Variants in TSNARE1 observed in about 807,000 individuals in gnomAD.
The protein encoded by TSNARE1 is t-SNARE domain-containing protein 1.
TSNARE1 carries 49 observed loss-of-function variants against 62.0 expected under a neutral mutation model. That is an observed-to-expected ratio of 0.79 (90% confidence interval 0.63 to 1.00). TSNARE1 has a LOEUF of 1.00. Ranked by LOEUF, TSNARE1 falls within the 50% of genes least tolerant of loss-of-function variation. The probability of loss-of-function intolerance (pLI) is 0.00; values close to 1 mark genes in which losing one functional copy is unlikely to be tolerated. For synonymous variants in TSNARE1, 328 were observed against 294.4 expected, an observed-to-expected ratio of 1.11 and a Z score of -1.17; for missense variants, 755 against 700.1, an observed-to-expected ratio of 1.08 and a Z score of -0.88.
At chr8:142,381,701 G>C (rs2131226275) in intron 1 of TSNARE1, among the ~76,000 whole-genome samples, 1 of 152,312 alleles carries the variant, frequency 6.6e-6, no homozygotes, top group Middle Eastern at 3.4e-3. Context: ...GAGTCTTCCA[G>C]TTTCCTTCAG....
intron 12 of TSNARE1, among the ~76,000 whole-genome samples, chr8:142,242,007 A>C (rs1817686343): frequency 6.6e-6 from 1 of 151,564 alleles, no homozygotes; most frequent in Non-Finnish European, 1.5e-5. Context: ...TGCCGTATAC[A>C]ACAATCAACT....
At chr8:142,226,214 T>G (rs1816761878) in intron 13 of TSNARE1, among the ~76,000 whole-genome samples, 1 of 152,200 alleles carries the variant, frequency 6.6e-6, no homozygotes, top group African/African-American at 2.4e-5. Flanking sequence ...CCACAGTAAC[T>G]ATTACTATTA....
chr8:142,339,485 G>A (rs949379454), intron 4 of TSNARE1, among the ~76,000 whole-genome samples: 1 of 152,082 alleles, frequency 6.6e-6, no homozygotes, highest in Non-Finnish European at 1.5e-5. Flanking sequence ...TGGCCAGGAG[G>A]GGCAGCTCAG....
At chr8:142,223,251 C>T (rs200960624) in intron 13 of TSNARE1, among the ~76,000 whole-genome samples, 2 of 111,642 alleles carry the variant, frequency 1.8e-5, no homozygotes, top group South Asian at 2.9e-4. Context: ...CACTCACTCA[C>T]TCATTCACTC....
At chr8:142,316,450 A>C (rs1828538260) in intron 7 of TSNARE1, among the ~76,000 whole-genome samples, 1 of 151,782 alleles carries the variant, frequency 6.6e-6, no homozygotes, top group Admixed American at 6.7e-5. Context: ...CCTCTGTTAC[A>C]GTTTTTTAGT....
chr8:142,320,752 A>G (rs1829364336), intron 6 of TSNARE1, among the ~76,000 whole-genome samples: 1 of 152,248 alleles, frequency 6.6e-6, no homozygotes, highest in Non-Finnish European at 1.5e-5. Context: ...CCCCAGCACC[A>G]ACACCTGCCC....
chr8:142,270,428 C>G (rs1819420836), intron 12 of TSNARE1: 1 of 984,734 alleles, frequency 1.0e-6, no homozygotes, highest in Admixed American at 6.2e-5. Context: ...CAAGAAAAAT[C>G]TACAGGTACA....
chr8:142,249,616 C>T (rs1340129374), intron 12 of TSNARE1, among the ~76,000 whole-genome samples: 1 of 152,242 alleles, frequency 6.6e-6, no homozygotes, highest in African/African-American at 2.4e-5. Flanking sequence ...GCCTGTGCTG[C>T]CTTCTCACGG....
chr8:142,374,121 T>C (rs767224306), intron 1 of TSNARE1, among the ~76,000 whole-genome samples: 2 of 152,052 alleles, frequency 1.3e-5, no homozygotes, highest in East Asian at 1.9e-4. Context: ...CTGGGCAACA[T>C]GGTGAAACCC....
At chr8:142,240,325 C>T (rs546635897) in intron 12 of TSNARE1, among the ~76,000 whole-genome samples, 20 of 152,242 alleles carry the variant, frequency 1.3e-4, no homozygotes, top group East Asian at 3.9e-4. Context: ...ACAATCTTAA[C>T]GAAATAGCCA....
chr8:142,285,351 G>C (rs1407823703), intron 10 of TSNARE1, among the ~76,000 whole-genome samples: 1 of 146,848 alleles, frequency 6.8e-6, no homozygotes, highest in African/African-American at 2.5e-5. Flanking sequence ...TGGGTGAGTA[G>C]ATGGATGGGT....
At chr8:142,363,568 C>T (rs1397155498) in intron 1 of TSNARE1, among the ~76,000 whole-genome samples, 1 of 152,134 alleles carries the variant, frequency 6.6e-6, no homozygotes, top group Non-Finnish European at 1.5e-5. Flanking sequence ...TGCAGGAACA[C>T]AAAAACACAA....
At chr8:142,218,728 C>A (rs1042515613) in intron 13 of TSNARE1, among the ~76,000 whole-genome samples, 1 of 152,164 alleles carries the variant, frequency 6.6e-6, no homozygotes, top group Admixed American at 6.5e-5. Flanking sequence ...GGCCCTGAGC[C>A]CTCCCCGCCC....
chr8:142,223,465 CATTCACTA>C lies in TSNARE1; in HGVS notation c.*11+6000_*11+6007del, dbSNP rs796886800. On this transcript the variant is annotated intron_variant, in intron 13 of 13. Transcript: ENST00000524325. ...TAATTCACTCATTCGCTCATTCACT[CATTCACTA>C]ACTCATCCACTCACTCATTCACTCA... Among the ~76,000 whole-genome samples the C allele has an allele frequency of 4.7e-5, 7 of 150,312 alleles. 1 individual carries two copies. The highest frequency in any genetic ancestry group is 1.0e-4 in the Non-Finnish European group (7 of 67,484).
intron 13 of TSNARE1, among the ~76,000 whole-genome samples, chr8:142,219,339 G>A (rs1056727277): frequency 2.0e-5 from 3 of 152,206 alleles, no homozygotes; most frequent in Non-Finnish European, 2.9e-5. Context: ...AGGGGAGGAG[G>A]AAGGGAGAGG....
chr8:142,223,142 TC>T, intron 13 of TSNARE1, among the ~76,000 whole-genome samples: 1 of 80,372 alleles, frequency 1.2e-5, no homozygotes, highest in African/African-American at 4.0e-5. Context: ...ACTCATTCAC[TC>T]ATCCACTCAC....
chr8:142,235,480 GCA>G (rs1322521015), intron 12 of TSNARE1, among the ~76,000 whole-genome samples: 1 of 149,132 alleles, frequency 6.7e-6, no homozygotes, highest in African/African-American at 2.5e-5. Context: ...CCATGCAAAT[GCA>G]TTCAGAACAC....
intron 13 of TSNARE1, among the ~76,000 whole-genome samples, chr8:142,228,636 G>A (rs1466201904): frequency 2.0e-5 from 3 of 152,218 alleles, no homozygotes; most frequent in Non-Finnish European, 4.4e-5. Flanking sequence ...GCTTCAGGGT[G>A]GCCTTGCCCC....
chr8:142,313,615 GTC>G (rs1828020864), intron 9 of TSNARE1, among the ~76,000 whole-genome samples: 1 of 151,906 alleles, frequency 6.6e-6, no homozygotes, highest in Non-Finnish European at 1.5e-5. Context: ...TTATCTGTAT[GTC>G]TCTGTGTATC....
Sources: gnomAD v4.1 joint callset for allele counts (sites outside exome capture counted in the v4.1 genomes callset) on GRCh38, gnomAD v4.1.1 for gene constraint, MANE v1.5 for transcripts, NCBI Gene and HGNC (gene_info 2026-07-23, HGNC 2026-07-21) for gene names.